The following NRG3 variants were observed in gnomAD, a reference collection of about 807,000 sequenced individuals.
The protein encoded by NRG3 is pro-neuregulin-3, membrane-bound isoform.
A neutral mutation model predicts 66.9 loss-of-function variants in NRG3; 31 were observed. The ratio of observed to expected loss-of-function variants is 0.46; its 90% CI spans 0.35 to 0.63. The LOEUF (loss-of-function observed/expected upper bound fraction) is 0.63. Ranked by LOEUF, NRG3 falls within the 20% of genes least tolerant of loss-of-function variation. NRG3 has a pLI of 0.00. For synonymous variants in NRG3, 393 were observed against 359.4 expected (o/e 1.09, Z -1.06); for missense variants, 910 against 878.9 (o/e 1.04, Z -0.45).
chr10:81,894,921 G>T (rs1228457132), intron 1 of NRG3, among the ~76,000 whole-genome samples: 1 of 152,132 alleles, frequency 6.6e-6, no homozygotes, highest in Admixed American at 6.5e-5. Context: ...GCATGCCAGG[G>T]GCTGTGGAGA....
At chr10:81,994,407 T>C (rs1302454275) in intron 1 of NRG3, among the ~76,000 whole-genome samples, 1 of 152,154 alleles carries the variant, frequency 6.6e-6, no homozygotes, top group Admixed American at 6.6e-5. Flanking sequence ...AAAGGTAATA[T>C]TTAAAAAAAT....
intron 2 of NRG3, among the ~76,000 whole-genome samples, chr10:82,529,094 G>A (rs549928041): frequency 1.7e-4 from 26 of 152,292 alleles, no homozygotes; most frequent in Non-Finnish European, 2.6e-4. Context: ...CATGCGCTTA[G>A]AAGTCGCACA....
intron 4 of NRG3, among the ~76,000 whole-genome samples, chr10:82,876,634 G>T (rs1342464752): frequency 1.3e-5 from 2 of 152,156 alleles, no homozygotes; most frequent in African/African-American, 4.8e-5. Flanking sequence ...TATCTCAACT[G>T]CACGTGAGTT....
intron 1 of NRG3, among the ~76,000 whole-genome samples, chr10:82,032,473 G>A (rs12248199): frequency 0.038 from 5,723 of 151,932 alleles, 361 homozygotes; most frequent in African/African-American, 0.13. Context: ...TAAATGCAAT[G>A]GAGGGAACAG....
intron 3 of NRG3, among the ~76,000 whole-genome samples, chr10:82,746,156 T>C (rs2058636296): frequency 6.6e-6 from 1 of 152,206 alleles, no homozygotes; most frequent in African/African-American, 2.4e-5. Flanking sequence ...TCTCCCAAAG[T>C]GCTGGGATTA....
At chr10:81,960,794 G>T (rs558023483) in intron 1 of NRG3, among the ~76,000 whole-genome samples, 4 of 151,972 alleles carry the variant, frequency 2.6e-5, no homozygotes, top group African/African-American at 7.2e-5. Context: ...TGCCACATCC[G>T]CTGATTTCAG....
At chr10:82,295,542 C>T (rs963697439) in intron 1 of NRG3, among the ~76,000 whole-genome samples, 1 of 152,064 alleles carries the variant, frequency 6.6e-6, no homozygotes, top group Non-Finnish European at 1.5e-5. Flanking sequence ...TCTGTCATGT[C>T]GTCTTCCATA....
Position 82,290,434 on chromosome 10 carries a change from A to G in NRG3, c.824-68305A>G, listed in dbSNP as rs943222336. On this transcript the variant is annotated intron_variant, in intron 1 of 8. Transcript: ENST00000372141. ...TATTTGATATCTATTTATACTGCGA[A>G]TTAACACTGAAACAATGAACTAACG... Among the ~76,000 whole-genome samples, 2 of 152,180 alleles carry G rather than the reference A, an allele frequency of 1.3e-5. 1 individual carries two copies. Among genetic ancestry groups the G allele is most frequent in the Admixed American group, 1.3e-4 (2 of 15,260 alleles).
At chr10:82,523,202 A>G (rs1846369073) in intron 2 of NRG3, among the ~76,000 whole-genome samples, 1 of 152,202 alleles carries the variant, frequency 6.6e-6, no homozygotes, top group African/African-American at 2.4e-5. Context: ...GCTATTATGA[A>G]TAATGCTGCT....
chr10:82,019,853 G>A (rs10884044), intron 1 of NRG3, among the ~76,000 whole-genome samples: 9 of 151,788 alleles, frequency 5.9e-5, no homozygotes, highest in South Asian at 4.2e-4. Context: ...TCTTGCTAGC[G>A]GTCTATCAAT....
At chr10:81,917,584 C>G (rs1845821560) in intron 1 of NRG3, among the ~76,000 whole-genome samples, 1 of 152,078 alleles carries the variant, frequency 6.6e-6, no homozygotes, top group South Asian at 2.1e-4. Flanking sequence ...GGGGTAAAAC[C>G]CTTTGACTAT....
intron 1 of NRG3, among the ~76,000 whole-genome samples, chr10:82,000,530 C>T (rs2061122111): frequency 6.6e-6 from 1 of 152,112 alleles, no homozygotes; most frequent in South Asian, 2.1e-4. Context: ...TCCTATCTTT[C>T]CATCATAGCC....
At chr10:82,567,264 C>T (rs948476473) in intron 2 of NRG3, among the ~76,000 whole-genome samples, 3 of 149,788 alleles carry the variant, frequency 2.0e-5, no homozygotes, top group African/African-American at 2.5e-5. Context: ...CTAACACTCT[C>T]GGCCACTAAG....
At chr10:81,977,892 T>A (rs2133429340) in intron 1 of NRG3, among the ~76,000 whole-genome samples, 1 of 152,286 alleles carries the variant, frequency 6.6e-6, no homozygotes, top group South Asian at 2.1e-4. Context: ...CTTTTACTTT[T>A]TATTTTTTAT....
At chr10:82,606,265 ACTT>A (rs771243574) in intron 2 of NRG3, among the ~76,000 whole-genome samples, 1 of 152,126 alleles carries the variant, frequency 6.6e-6, no homozygotes, top group Non-Finnish European at 1.5e-5. Flanking sequence ...TTCTTTTGAG[ACTT>A]CTTCTTTGAC....
chr10:81,931,739 A>G (rs1168810714), intron 1 of NRG3, among the ~76,000 whole-genome samples: 2 of 152,210 alleles, frequency 1.3e-5, no homozygotes, highest in African/African-American at 2.4e-5. Context: ...TCCCAATAGT[A>G]CTTAATTGCC....
chr10:81,947,966 A>G (rs1263827230), intron 1 of NRG3, among the ~76,000 whole-genome samples: 1 of 152,158 alleles, frequency 6.6e-6, no homozygotes, highest in Non-Finnish European at 1.5e-5. Context: ...TTTTAAAAAT[A>G]GGAGTGTTAA....
At chr10:82,322,453 AT>A (rs1402965288) in intron 1 of NRG3, among the ~76,000 whole-genome samples, 1 of 152,222 alleles carries the variant, frequency 6.6e-6, no homozygotes, top group Non-Finnish European at 1.5e-5. Flanking sequence ...GGAGATTTGA[AT>A]ACAAGAGTTA....
intron 3 of NRG3, among the ~76,000 whole-genome samples, chr10:82,848,863 C>T (rs180670696): frequency 7.9e-5 from 12 of 152,208 alleles, no homozygotes; most frequent in Non-Finnish European, 1.3e-4. Flanking sequence ...TCTTGCCTGC[C>T]GCCATGTAAG....
Sources: allele counts gnomAD v4.1 joint callset (sites outside exome capture counted in the v4.1 genomes callset), GRCh38; gene constraint gnomAD v4.1.1; transcripts MANE v1.5; gene names NCBI Gene and HGNC (gene_info 2026-07-23, HGNC 2026-07-21).